PRKCH: variants seen among roughly 807,000 people sequenced by gnomAD.
PRKCH encodes the protein protein kinase C eta.
PRKCH carries 28 observed loss-of-function variants against 82.5 expected under a neutral mutation model. The ratio of observed to expected loss-of-function variants is 0.34; its 90% CI spans 0.25 to 0.47. The LOEUF is 0.47. Ranked by LOEUF, PRKCH falls within the 20% of genes least tolerant of loss-of-function variation. PRKCH has a pLI of 1.00. For missense variants in PRKCH, 705 were observed against 881.8 expected (o/e 0.80, Z 2.54); for synonymous variants, 322 against 327.4 (o/e 0.98, Z 0.18).
intron 2 of PRKCH, among the ~76,000 whole-genome samples, chr14:61,425,267 C>T (rs920075775): frequency 1.3e-5 from 2 of 152,096 alleles, no homozygotes; most frequent in African/African-American, 4.8e-5. Flanking sequence ...GCACTGGGCA[C>T]CTGAAAAAGC....
chr14:61,452,600 T>C (rs1443955184), intron 6 of PRKCH, among the ~76,000 whole-genome samples: 1 of 152,168 alleles, frequency 6.6e-6, no homozygotes, highest in Non-Finnish European at 1.5e-5. Flanking sequence ...CTTCAGAAAG[T>C]TTTAAAAGTT....
intron 1 of PRKCH, among the ~76,000 whole-genome samples, chr14:61,351,425 G>A (rs2046072444): frequency 6.6e-6 from 1 of 152,204 alleles, no homozygotes; most frequent in Non-Finnish European, 1.5e-5. Flanking sequence ...AAGGAGGCAG[G>A]CAGGAAAAGG....
intron 1 of PRKCH, among the ~76,000 whole-genome samples, chr14:61,257,655 A>T (rs1026246030): frequency 1.3e-5 from 2 of 151,404 alleles, no homozygotes; most frequent in Admixed American, 6.6e-5. Context: ...ACACACGCAT[A>T]CACACACATT....
At chr14:61,366,105 G>C (rs1313879636) in intron 1 of PRKCH, among the ~76,000 whole-genome samples, 1 of 152,070 alleles carries the variant, frequency 6.6e-6, no homozygotes, top group Non-Finnish European at 1.5e-5. Flanking sequence ...GTCAGAAGAT[G>C]AGACAGTGAT....
At chr14:61,538,726 T>A (rs2043144493) in intron 12 of PRKCH, among the ~76,000 whole-genome samples, 1 of 152,234 alleles carries the variant, frequency 6.6e-6, no homozygotes, top group Non-Finnish European at 1.5e-5. Context: ...GAAAAACTCT[T>A]GTCAACAAAA....
At chr14:61,343,552 T>A (rs1453456323) in intron 1 of PRKCH, among the ~76,000 whole-genome samples, 1 of 152,174 alleles carries the variant, frequency 6.6e-6, no homozygotes, top group Admixed American at 6.5e-5. Flanking sequence ...CAGGGCACGA[T>A]GATAGATTTT....
rs1435775291 is a variant in PRKCH at position 61,503,143 on chromosome 14, C to T, written c.1433+17487C>T. 2.0e-5 allele frequency among the ~76,000 whole-genome samples: 3 copies of T among 151,628 alleles called. No homozygotes were observed. The East Asian group carries it at 5.8e-4, about 29-fold the overall frequency. On this transcript the variant is annotated intron_variant, in intron 10 of 13. Coordinates refer to ENST00000332981, the MANE Select transcript of PRKCH (RefSeq NM_006255.5). ...AAAATCTGATTACTGTGGGGCTGTCCATTTTATTGCTGCACCAAGGAGCAG... is the reference window on the plus strand; with the variant it reads ...AAAATCTGATTACTGTGGGGCTGTCTATTTTATTGCTGCACCAAGGAGCAG...
intron 2 of PRKCH, among the ~76,000 whole-genome samples, chr14:61,441,313 T>C (rs955008997): frequency 6.6e-6 from 1 of 152,146 alleles, no homozygotes; most frequent in Admixed American, 6.5e-5. Context: ...CCACCTGATT[T>C]CTAGATGGGA....
chr14:61,503,474 G>A (rs891214408), intron 10 of PRKCH, among the ~76,000 whole-genome samples: 4 of 152,216 alleles, frequency 2.6e-5, no homozygotes, highest in South Asian at 4.1e-4. Flanking sequence ...ACTAAGCCAC[G>A]CTCAACAGAG....
intron 1 of PRKCH, among the ~76,000 whole-genome samples, chr14:61,207,601 C>T (rs1454120045): frequency 3.3e-5 from 5 of 152,152 alleles, no homozygotes; most frequent in East Asian, 3.8e-4. Flanking sequence ...TCTCTTTTAA[C>T]ATAATAATTA....
In PRKCH at chr14:61,457,444, T is replaced by C; in HGVS notation, c.1105-62T>C. The C allele has an allele frequency of 2.5e-6, 4 of 1,595,238 alleles. No homozygotes were observed. In the East Asian group the frequency reaches 9.0e-5, roughly 36 times the overall value. ...TGTGCCATTCTTTCTTCCTGTTGTG[T>C]GCACACACCCTAAGACCCCCAAGAG... On this transcript the variant is annotated intron_variant, in intron 8 of 13. Transcript: ENST00000332981.
rs748999571 is a variant in PRKCH at position 61,530,611 on chromosome 14, C to G, written c.1761+16C>G. ...CCTAAAATCTGTAAGTTTGGCTTAC[C>G]CAGCTAGCTTCTGATGTATTGCAAA... On this transcript the variant is annotated intron_variant, in intron 12 of 13. Transcript: ENST00000332981. The G allele has an allele frequency of 6.3e-7, 1 of 1,575,932 alleles. No individual in the cohort carries two copies. The highest frequency in any genetic ancestry group is 1.2e-5 in the South Asian group (1 of 84,442).
chr14:61,289,755 C>A (rs1444153258), intron 1 of PRKCH, among the ~76,000 whole-genome samples: 1 of 151,906 alleles, frequency 6.6e-6, no homozygotes, highest in Admixed American at 6.6e-5. Flanking sequence ...GAACAACATG[C>A]AAAAAATACT....
At chr14:61,388,671 A>G (rs2046627142) in intron 1 of PRKCH, among the ~76,000 whole-genome samples, 1 of 152,210 alleles carries the variant, frequency 6.6e-6, no homozygotes, top group South Asian at 2.1e-4. Flanking sequence ...TTGACTTGAA[A>G]CAAGTCAAGG....
Position 61,322,072 on chromosome 14 carries a change from G to GC in PRKCH, c.-24dup. 6.6e-7 allele frequency: 1 copy of GC among 1,509,604 alleles called. No homozygotes were observed. Among genetic ancestry groups the GC allele is most frequent in the Non-Finnish European group, 8.9e-7 (1 of 1,123,492 alleles). The allele number at this position is 1,509,604 out of a possible 1,614,324, so 93.5% of individuals were successfully genotyped here. ...GGTTCTCCCGCTGCGAAGCAGCGCG[G>GC]CCCCCCGGGGCCGGGGCAGCGGCGC... On this transcript the variant is annotated 5_prime_UTR_variant, in exon 1 of 14. Transcript: ENST00000332981.
intron 2 of PRKCH, chr14:61,442,576 C>T (rs1414814006): frequency 1.3e-5 from 2 of 152,396 alleles, no homozygotes; most frequent in African/African-American, 2.4e-5. Context: ...AGAGATTGGC[C>T]CATGATAGCC....
chr14:61,381,621 T>C (rs2046510656), intron 1 of PRKCH, among the ~76,000 whole-genome samples: 1 of 152,264 alleles, frequency 6.6e-6, no homozygotes, highest in African/African-American at 2.4e-5. Context: ...AACTGCCTGC[T>C]GCATTTTCCC....
intron 1 of PRKCH, chr14:61,361,218 G>A (rs2046220495): frequency 6.6e-6 from 1 of 152,228 alleles, no homozygotes; most frequent in Admixed American, 6.5e-5. Flanking sequence ...GTGAGGATGA[G>A]GGTGGAGGGT....
chr14:61,351,759 G>GC (rs1425809402), intron 1 of PRKCH, among the ~76,000 whole-genome samples: 1 of 152,138 alleles, frequency 6.6e-6, no homozygotes. Context: ...CACTTGGCAT[G>GC]CTGTGGCTTC....
Sources: gnomAD v4.1 joint callset for allele counts (sites outside exome capture counted in the v4.1 genomes callset) on GRCh38, gnomAD v4.1.1 for gene constraint, MANE v1.5 for transcripts, NCBI Gene and HGNC (gene_info 2026-07-23, HGNC 2026-07-21) for gene names.